The following MRPS11 variants were observed in gnomAD, a reference collection of about 807,000 sequenced individuals.
The protein encoded by MRPS11 is mitochondrial ribosomal protein S11, also known as small ribosomal subunit protein uS11m.
Under a neutral mutation model 24.3 loss-of-function variants are expected in MRPS11, and 27 were observed. That is an observed-to-expected ratio of 1.11 (90% CI 0.82 to 1.53). The LOEUF (loss-of-function observed/expected upper bound fraction) is 1.53. MRPS11 is among the 40% of genes most tolerant of loss of function. The probability of loss-of-function intolerance (pLI) is 0.00; values close to 1 mark genes in which losing one functional copy is unlikely to be tolerated. For missense variants in MRPS11, 277 were observed against 256.5 expected (o/e 1.08, Z -0.55); for synonymous variants, 104 against 98.7 (o/e 1.05, Z -0.32).
intron 2 of MRPS11, chr15:88,468,750 C>G: frequency 6.2e-6 from 1 of 161,200 alleles, no homozygotes; most frequent in Non-Finnish European, 1.3e-5. Context: ...TAGCTCATGC[C>G]TTTAATCCCA....
In MRPS11 at chr15:88,475,624, C is replaced by T. The variant is rs189125278; in HGVS notation, c.411+385C>T. Among the ~76,000 whole-genome samples the T allele has an allele frequency of 3.2e-4, 48 of 152,114 alleles. No homozygotes were observed. Among genetic ancestry groups the T allele is most frequent in the African/African-American group, 1.1e-3 (46 of 41,494 alleles). Reference sequence around the variant, plus strand: ...GTTTGAGGCTGCAGTGAACTATGATCTCACCACTGCACTAAAGCCTGGGCA... The same window carrying T: ...GTTTGAGGCTGCAGTGAACTATGATTTCACCACTGCACTAAAGCCTGGGCA... On this transcript the variant is annotated intron_variant, in intron 4 of 5. Transcript: ENST00000325844. The surrounding 1 kb of genome is among the most constrained non-coding windows in gnomAD (Gnocchi z 4.1).
At chr15:88,470,939 G>A (rs936271883) in intron 2 of MRPS11, among the ~76,000 whole-genome samples, 1 of 152,292 alleles carries the variant, frequency 6.6e-6, no homozygotes, top group Admixed American at 6.5e-5. Flanking sequence ...GCCATTGGGA[G>A]CAGTGCAGTA....
Position 88,477,224 on chromosome 15 carries a change from T to C in MRPS11, c.477+170T>C, listed in dbSNP as rs1442006206. ...TTGACCAAGCCCCTCAGAGCAAGCC[T>C]AGATCACTTAGTATAATTCATCAGA... On this transcript the variant is annotated intron_variant, in intron 5 of 5. Transcript: ENST00000325844. The surrounding 1 kb of genome is among the most constrained non-coding windows in gnomAD (Gnocchi z 5.7). Among the ~76,000 whole-genome samples the C allele has an allele frequency of 6.6e-6, 1 of 152,200 alleles. No homozygotes were observed. Among genetic ancestry groups the C allele is most frequent in the Non-Finnish European group, 1.5e-5 (1 of 68,040 alleles).
chr15:88,471,170 C>A (rs1275961900), intron 2 of MRPS11, among the ~76,000 whole-genome samples: 1 of 151,888 alleles, frequency 6.6e-6, no homozygotes, highest in African/African-American at 2.4e-5. Flanking sequence ...TTAGAGGAGA[C>A]AAAAGAAGCT....
At position 88,467,993 on chromosome 15, in the gene MRPS11, C is replaced by A. The variant is rs147602817; in HGVS notation, c.151C>A (p.Gln51Lys). ...CGCTGCGGCCAAGCAGAAAGTTGAACAGAACGCGGCTCCCAGCCACACCAA... is the reference window on the plus strand; with the variant it reads ...CGCTGCGGCCAAGCAGAAAGTTGAAAAGAACGCGGCTCCCAGCCACACCAA... ...QDAAAKQKVE[Q>K]NAAPSHTKFS... Residue 51 changes from glutamine to lysine, a missense_variant, in exon 2 of 6, where the codon CAG (glutamine) becomes AAG (lysine). Transcript: ENST00000325844. The A allele has an allele frequency of 7.5e-6, 12 of 1,608,214 alleles. No homozygotes were observed. Among genetic ancestry groups the A allele is most frequent in the Middle Eastern group, 1.7e-4 (1 of 6,048 alleles).
Position 88,467,755 on chromosome 15 carries a change from G to A in MRPS11, c.38G>A (p.Arg13Gln), listed in dbSNP as rs1160450951. The A allele has an allele frequency of 1.2e-6, 2 of 1,614,024 alleles. No homozygotes were observed. Among genetic ancestry groups the A allele is most frequent in the Non-Finnish European group, 8.5e-7 (1 of 1,180,004 alleles). ...AGAAACGCGGGGTCGCGGTTCCTGC[G>A]GTCCTGGACTTGGCCCCAGACAGCC... ...AVRNAGSRFLRSWTWPQTAGR... is the reference protein window; with the variant it reads ...AVRNAGSRFLQSWTWPQTAGR... Residue 13 changes from arginine to glutamine, a missense_variant, in exon 1 of 6, where the codon CGG becomes CAG. By Grantham distance (43) the Arg-to-Gln change is conservative. Coordinates refer to ENST00000325844, the MANE Select transcript of MRPS11 (RefSeq NM_022839.5).
Position 88,469,384 on chromosome 15 carries a change from GA to G in MRPS11, c.182+1361del, listed in dbSNP as rs1164435041. On this transcript the variant is annotated intron_variant, in intron 2 of 5. Transcript: ENST00000325844. This position sits in a 1 kb window ranked among gnomAD's most constrained non-coding sequence, Gnocchi z 4.4. ...GCCAGGCACTGTTCAGAGTGTTGGG[GA>G]TATATCCCTGACCAAACAGACAAAA... Among the ~76,000 whole-genome samples, 3 of 152,208 alleles carry G rather than the reference GA, an allele frequency of 2.0e-5. No individual in the cohort carries two copies. The highest frequency in any genetic ancestry group is 2.9e-5 in the Non-Finnish European group (2 of 68,036).
chr15:88,468,685 T>A, intron 2 of MRPS11: 1 of 222,314 alleles, frequency 4.5e-6, no homozygotes, highest in Non-Finnish European at 7.5e-6. Context: ...ATAATGGAGG[T>A]AAGCATTGGT....
chr15:88,479,704 T>C lies in MRPS11; in HGVS notation c.*1725T>C, dbSNP rs1395918400. 3 of 152,194 alleles carry C rather than the reference T, an allele frequency of 2.0e-5. No homozygotes were observed. The highest frequency in any genetic ancestry group is 4.8e-5 in the African/African-American group (2 of 41,450). 9.4% of individuals were successfully genotyped at this position (152,194 alleles called of 1,614,324 possible). ...CAAAACTACATATAAACACAATGCA[T>C]TAAAACATGGTGCACTTGAAAATTG... On this transcript the variant is annotated 3_prime_UTR_variant, in exon 6 of 6. Coordinates refer to ENST00000325844, the MANE Select transcript of MRPS11 (RefSeq NM_022839.5).
Position 88,475,145 on chromosome 15 carries a change from C to T in MRPS11, c.317C>T (p.Pro106Leu), listed in dbSNP as rs2055794296. ...QIQVVSASNEPLAFASCGTEG... is the reference protein window; with the variant it reads ...QIQVVSASNELLAFASCGTEG... ...CAGGTAGTCTCTGCTAGTAATGAGC[C>T]CCTTGCCTTTGCTTCCTGTGGCACA... Residue 106 changes from proline to leucine, a missense_variant, in exon 4 of 6, where the codon CCC becomes CTC. Physicochemically the swap from Pro to Leu is moderately conservative, Grantham distance 98. Coordinates refer to ENST00000325844, the MANE Select transcript of MRPS11 (RefSeq NM_022839.5). The surrounding 1 kb of genome is among the most constrained non-coding windows in gnomAD (Gnocchi z 4.1). 3 of 1,614,176 alleles carry T rather than the reference C, an allele frequency of 1.9e-6. No individual in the cohort carries two copies. The African/African-American group carries it at 4.0e-5, about 22-fold the overall frequency.
At position 88,477,954 on chromosome 15, in the gene MRPS11, G is replaced by A. The variant is rs144441447; in HGVS notation, c.560G>A (p.Arg187His). ...ACCCCAATCCCACACAACGGCTGCCGCCCCAGGAAGGCTCGGAAGCTGTGA... is the reference window on the plus strand; with the variant it reads ...ACCCCAATCCCACACAACGGCTGCCACCCCAGGAAGGCTCGGAAGCTGTGA... The part of the protein sequence containing the change: ...DNTPIPHNGC[R>H]PRKARKL The change falls in exon 6 of 6, where the codon CGC becomes CAC. Residue 187 changes from arginine to histidine, a missense_variant. By Grantham distance (29) the Arg-to-His change is conservative. Coordinates refer to ENST00000325844, the MANE Select transcript of MRPS11 (RefSeq NM_022839.5). This position sits in a 1 kb window ranked among gnomAD's most constrained non-coding sequence, Gnocchi z 5.7. 1.2e-4 allele frequency: 194 copies of A among 1,614,108 alleles called. No individual in the cohort carries two copies. Among genetic ancestry groups the A allele is most frequent in the Non-Finnish European group, 1.5e-4 (176 of 1,179,996 alleles).
Position 88,479,521 on chromosome 15 carries a change from A to C in MRPS11, c.*1542A>C, listed in dbSNP as rs2055890247. The C allele has an allele frequency of 6.6e-6, 1 of 152,250 alleles. No homozygotes were observed. The highest frequency in any genetic ancestry group is 1.5e-5 in the Non-Finnish European group (1 of 68,060). 9.4% of individuals were successfully genotyped at this position (152,250 alleles called of 1,614,324 possible). On this transcript the variant is annotated 3_prime_UTR_variant, in exon 6 of 6. Transcript: ENST00000325844. The stretch of plus-strand genomic sequence containing the variant: ...GACAAAGAAAGGAGGAAGATCACGA[A>C]CCAAGACATGAATTTAGAGGAAAAA...
At position 88,478,680 on chromosome 15, in the gene MRPS11, G is replaced by C. The variant is rs1833996404; in HGVS notation, c.*701G>C. The C allele has an allele frequency of 6.6e-6, 1 of 152,456 alleles. No individual in the cohort carries two copies. The highest frequency in any genetic ancestry group is 1.5e-5 in the Non-Finnish European group (1 of 68,266). 9.4% of individuals were successfully genotyped at this position (152,456 alleles called of 1,614,324 possible). A position where few individuals can be genotyped will look rare whatever the true frequency, so the allele number is the denominator to read the frequency against. On this transcript the variant is annotated 3_prime_UTR_variant, in exon 6 of 6. Transcript: ENST00000325844. This position sits in a 1 kb window ranked among gnomAD's most constrained non-coding sequence, Gnocchi z 4.7. ...AACGAGAGAGTGCCCTAAAAGCGGGGAGGGTAGAGTTGTACAAAACATGAT... is the reference window on the plus strand; with the variant it reads ...AACGAGAGAGTGCCCTAAAAGCGGGCAGGGTAGAGTTGTACAAAACATGAT...
Position 88,477,772 on chromosome 15 carries a change from C to G in MRPS11, c.478-100C>G. 1.0e-6 allele frequency: 1 copy of G among 1,004,502 alleles called. No homozygotes were observed. The highest frequency in any genetic ancestry group is 1.9e-5 in the Admixed American group (1 of 51,314). The allele number at this position is 1,004,502 out of a possible 1,614,324, so 62.2% of individuals were successfully genotyped here. On this transcript the variant is annotated intron_variant, in intron 5 of 5. Transcript: ENST00000325844. The surrounding 1 kb of genome is among the most constrained non-coding windows in gnomAD (Gnocchi z 5.7). ...AGTGAGCATCTCACCCCTCCGTTCC[C>G]TTCTCTACGCCACCCTGTCCCTCTC...
chr15:88,472,520 A>C, intron 2 of MRPS11, 107 bp from the exon 3 acceptor site: 1 of 869,868 alleles, frequency 1.1e-6, no homozygotes, highest in African/African-American at 1.7e-5. Context: ...CAGCCACTTA[A>C]GAAGCAGCAG....
Position 88,469,464 on chromosome 15 carries a change from A to C in MRPS11, c.182+1440A>C, listed in dbSNP as rs1469244648. 1.3e-5 allele frequency among the ~76,000 whole-genome samples: 2 copies of C among 152,362 alleles called. No homozygotes were observed. The highest frequency in any genetic ancestry group is 6.5e-5 in the Admixed American group (1 of 15,306). On this transcript the variant is annotated intron_variant, in intron 2 of 5. Coordinates refer to ENST00000325844, the MANE Select transcript of MRPS11 (RefSeq NM_022839.5). The surrounding 1 kb of genome is among the most constrained non-coding windows in gnomAD (Gnocchi z 4.4). Reference sequence around the variant, plus strand: ...AGTGGGTAGAAGACAGTAAATAGAAAACAAGTAAAATGTAGGAGTATAACG... The same window carrying C: ...AGTGGGTAGAAGACAGTAAATAGAACACAAGTAAAATGTAGGAGTATAACG...
chr15:88,474,002 C>A (rs1056634095), intron 3 of MRPS11, among the ~76,000 whole-genome samples: 2 of 152,016 alleles, frequency 1.3e-5, no homozygotes, highest in Non-Finnish European at 2.9e-5. Flanking sequence ...CATAGTGAGA[C>A]CCAGTCTCTA....
In MRPS11 at chr15:88,467,787, CAA is replaced by C. The variant is rs1265917945; in HGVS notation, c.65+7_65+8del. 1.2e-6 allele frequency: 2 copies of C among 1,614,096 alleles called. No individual in the cohort carries two copies. The highest frequency in any genetic ancestry group is 1.7e-5 in the Admixed American group (1 of 60,030). On this transcript the variant is annotated splice_donor_region_variant and intron_variant, in intron 1 of 5. Transcript: ENST00000325844. ...GACTTGGCCCCAGACAGCCGGGTAACAAATGACTGCCCCCTCGAGCCCACCGC... is the reference window on the plus strand; with the variant it reads ...GACTTGGCCCCAGACAGCCGGGTAACATGACTGCCCCCTCGAGCCCACCGC...
intron 2 of MRPS11, among the ~76,000 whole-genome samples, chr15:88,470,042 C>T (rs1013487886): frequency 2.0e-5 from 3 of 152,106 alleles, no homozygotes; most frequent in African/African-American, 4.8e-5. Flanking sequence ...AAGGGCCGGG[C>T]GCGGTGGCTC....
Sources: gnomAD v4.1 joint callset for allele counts (sites outside exome capture counted in the v4.1 genomes callset) on GRCh38, gnomAD v4.1.1 for gene constraint, Gnocchi (gnomAD v3.1) non-coding constraint, MANE v1.5 for transcripts, NCBI Gene and HGNC (gene_info 2026-07-23, HGNC 2026-07-21) for gene names.